The following CERS6 variants were observed in gnomAD, a reference collection of about 807,000 sequenced individuals.
The protein encoded by CERS6 is LAG1 homolog, ceramide synthase 6.
CERS6 carries 26 observed loss-of-function variants against 56.8 expected under a neutral mutation model. The observed-to-expected ratio is 0.46, with a 90% CI of 0.34 to 0.63. CERS6 has a LOEUF of 0.63. CERS6 is among the 30% of genes least tolerant of loss of function. The pLI, the probability that CERS6 is intolerant of heterozygous loss-of-function variation, is 0.01. For synonymous variants in CERS6, 164 were observed against 173.3 expected (o/e 0.95, Z 0.42); for missense variants, 415 against 467.5 (o/e 0.89, Z 1.04).
rs752920630 is a variant in CERS6 at position 168,547,718 on chromosome 2, C to T, written c.276+17C>T. The T allele has an allele frequency of 6.6e-7, 1 of 1,506,240 alleles. No individual in the cohort carries two copies. Among genetic ancestry groups the T allele is most frequent in the South Asian group, 1.1e-5 (1 of 88,744 alleles). The allele number at this position is 1,506,240 out of a possible 1,614,324, so 93.3% of individuals were successfully genotyped here. A position where few individuals can be genotyped will look rare whatever the true frequency, so the allele number is the denominator to read the frequency against. On this transcript the variant is annotated intron_variant, in intron 2 of 9. Transcript: ENST00000305747. The stretch of plus-strand genomic sequence containing the variant: ...ATTACAAAGGTATGATTGTCCTTTC[C>T]TGGGGTATAGATTGTCCCCGGTCAC...
At chr2:168,552,128 C>T (rs528229110) in intron 2 of CERS6, among the ~76,000 whole-genome samples, 1 of 152,138 alleles carries the variant, frequency 6.6e-6, no homozygotes, top group African/African-American at 2.4e-5. Flanking sequence ...CCTAATTCTC[C>T]TCAATAATCT....
intron 5 of CERS6, among the ~76,000 whole-genome samples, chr2:168,691,766 A>G (rs1164135024): frequency 2.0e-5 from 3 of 152,182 alleles, no homozygotes; most frequent in African/African-American, 7.2e-5. Flanking sequence ...CTTGTCTCAA[A>G]GTTTCTAGCT....
At chr2:168,486,722 T>C (rs1694283426) in intron 1 of CERS6, among the ~76,000 whole-genome samples, 1 of 152,078 alleles carries the variant, frequency 6.6e-6, no homozygotes, top group South Asian at 2.1e-4. Context: ...CCTCCTGTGT[T>C]GATCCTCCTT....
chr2:168,638,023 A>G (rs1684902370), intron 4 of CERS6, among the ~76,000 whole-genome samples: 1 of 151,940 alleles, frequency 6.6e-6, no homozygotes, highest in South Asian at 2.1e-4. Flanking sequence ...TTAAAAGTCG[A>G]ATTCCATTTA....
chr2:168,602,161 G>A (rs1448939566), intron 3 of CERS6, among the ~76,000 whole-genome samples: 1 of 152,168 alleles, frequency 6.6e-6, no homozygotes, highest in Non-Finnish European at 1.5e-5. Context: ...AATAAGCATT[G>A]GCCGATTCTT....
intron 8 of CERS6, among the ~76,000 whole-genome samples, chr2:168,749,296 T>A (rs1684193204): frequency 6.6e-6 from 1 of 152,188 alleles, no homozygotes; most frequent in Non-Finnish European, 1.5e-5. Context: ...CCCACACTCA[T>A]AACCATGGAT....
At chr2:168,670,783 A>G (rs1685887725) in intron 4 of CERS6, among the ~76,000 whole-genome samples, 1 of 151,944 alleles carries the variant, frequency 6.6e-6, no homozygotes, top group Non-Finnish European at 1.5e-5. Context: ...TGTCCTCCTT[A>G]GCTTTCATTA....
chr2:168,494,949 C>T (rs1694439503), intron 1 of CERS6, among the ~76,000 whole-genome samples: 1 of 152,122 alleles, frequency 6.6e-6, no homozygotes, highest in African/African-American at 2.4e-5. Flanking sequence ...TCCTGGATTC[C>T]TTAGCTTGGA....
intron 4 of CERS6, among the ~76,000 whole-genome samples, chr2:168,670,966 T>TGCCCC (rs1685893976): frequency 3.3e-5 from 1 of 30,518 alleles, no homozygotes. Context: ...GATACATGCT[T>TGCCCC]CCCCCCCCCC....
intron 1 of CERS6, among the ~76,000 whole-genome samples, chr2:168,474,181 C>A (rs1166558728): frequency 1.3e-5 from 2 of 152,096 alleles, no homozygotes; most frequent in African/African-American, 4.8e-5. Flanking sequence ...GAATGTAGAG[C>A]CATTTTCTTT....
At chr2:168,484,112 C>T (rs1007596575) in intron 1 of CERS6, among the ~76,000 whole-genome samples, 9 of 144,524 alleles carry the variant, frequency 6.2e-5, no homozygotes, top group African/African-American at 2.0e-4. Context: ...CTGAATACAA[C>T]AAAAATGCTG....
At chr2:168,611,503 A>G (rs1009396962) in intron 3 of CERS6, among the ~76,000 whole-genome samples, 1 of 152,212 alleles carries the variant, frequency 6.6e-6, no homozygotes, top group African/African-American at 2.4e-5. Flanking sequence ...CAGAATACAA[A>G]AAGATTTTAA....
intron 3 of CERS6, among the ~76,000 whole-genome samples, chr2:168,587,094 C>T (rs1281045846): frequency 6.6e-6 from 1 of 151,928 alleles, no homozygotes; most frequent in Non-Finnish European, 1.5e-5. Context: ...CATGAGAGTC[C>T]CTTGAACCTG....
chr2:168,727,742 A>G (rs1362826384), intron 8 of CERS6, among the ~76,000 whole-genome samples: 1 of 152,194 alleles, frequency 6.6e-6, no homozygotes, highest in African/African-American at 2.4e-5. Flanking sequence ...TTAGTCTCAG[A>G]CTTCACACAT....
chr2:168,746,775 G>GTGTATATATA (rs1553515803), intron 8 of CERS6, among the ~76,000 whole-genome samples: 2 of 38,992 alleles, frequency 5.1e-5, no homozygotes, highest in Non-Finnish European at 1.1e-4. Flanking sequence ...AGGGTAAAGG[G>GTGTATATATA]TATATATATA....
intron 8 of CERS6, among the ~76,000 whole-genome samples, chr2:168,739,600 C>T (rs956731017): frequency 2.6e-5 from 4 of 151,990 alleles, no homozygotes; most frequent in Admixed American, 6.6e-5. Context: ...TGGAGTCTCC[C>T]GCGTTAAATT....
chr2:168,766,356 C>T, intron 9 of CERS6: 3 of 1,597,298 alleles, frequency 1.9e-6, no homozygotes, highest in Non-Finnish European at 2.5e-6. Context: ...GTAAGTTTCT[C>T]CTCCTCTCTC....
At chr2:168,581,914 G>A (rs1683421973) in intron 3 of CERS6, among the ~76,000 whole-genome samples, 1 of 152,160 alleles carries the variant, frequency 6.6e-6, no homozygotes, top group Non-Finnish European at 1.5e-5. Context: ...TTATGCTCCT[G>A]TCCGGCATGG....
At chr2:168,510,273 T>C (rs558172362) in intron 1 of CERS6, among the ~76,000 whole-genome samples, 7 of 152,310 alleles carry the variant, frequency 4.6e-5, no homozygotes, top group Admixed American at 2.6e-4. Flanking sequence ...TAGAAGATAA[T>C]TTGCTGATAA....
Sources: gnomAD v4.1 joint callset for allele counts (sites outside exome capture counted in the v4.1 genomes callset) on GRCh38, gnomAD v4.1.1 for gene constraint, MANE v1.5 for transcripts, NCBI Gene and HGNC (gene_info 2026-07-23, HGNC 2026-07-21) for gene names.